Variants in SPAG16 observed in about 807,000 individuals in gnomAD.
SPAG16 encodes sperm associated antigen 16, also known as sperm-associated antigen 16 protein.
Under a neutral mutation model 80.4 loss-of-function variants are expected in SPAG16, and 86 were observed. The ratio of observed to expected loss-of-function variants is 1.07; its 90% CI spans 0.90 to 1.28. SPAG16 has a LOEUF of 1.28. SPAG16 is among the 50% of genes most tolerant of loss of function. The pLI, the probability that SPAG16 is intolerant of heterozygous loss-of-function variation, is 0.00. For synonymous variants in SPAG16, 294 were observed against 265.9 expected, an observed-to-expected ratio of 1.11 and a Z score of -1.03; for missense variants, 870 against 765.3, an observed-to-expected ratio of 1.14 and a Z score of -1.61.
intron 15 of SPAG16, among the ~76,000 whole-genome samples, chr2:214,167,494 A>G (rs1037477328): frequency 2.6e-5 from 4 of 152,018 alleles, no homozygotes; most frequent in Admixed American, 2.6e-4. Context: ...TTCTCCCTAT[A>G]AATCCTGTGC....
intron 10 of SPAG16, among the ~76,000 whole-genome samples, chr2:213,536,411 T>A (rs2076249397): frequency 6.6e-6 from 1 of 152,170 alleles, no homozygotes; most frequent in Non-Finnish European, 1.5e-5. Context: ...CACACTGACT[T>A]CCACAAGGGT....
intron 15 of SPAG16, among the ~76,000 whole-genome samples, chr2:214,295,051 G>C (rs1054368645): frequency 7.9e-5 from 12 of 152,186 alleles, no homozygotes; most frequent in African/African-American, 2.7e-4. Flanking sequence ...GGGGAATTTA[G>C]GCCCATTGAT....
chr2:214,340,126 C>T (rs545701184), intron 15 of SPAG16, among the ~76,000 whole-genome samples: 86 of 152,290 alleles, frequency 5.6e-4, no homozygotes, highest in Admixed American at 2.7e-3. Context: ...AGAACAAGAA[C>T]GCAAGAGAGT....
chr2:214,049,316 C>T (rs1002270161), intron 13 of SPAG16, among the ~76,000 whole-genome samples: 1 of 152,082 alleles, frequency 6.6e-6, no homozygotes, highest in African/African-American at 2.4e-5. Flanking sequence ...TCTCCTTTTC[C>T]GTCAATATTT....
chr2:213,430,822 CAGCAAGAGAAA>C, intron 9 of SPAG16, among the ~76,000 whole-genome samples: 1 of 152,212 alleles, frequency 6.6e-6, no homozygotes, highest in African/African-American at 2.4e-5. Flanking sequence ...ATTCTAAAAT[CAGCAAGAGAAA>C]AGCATCTAGA....
At chr2:214,251,015 A>G (rs1690253943) in intron 15 of SPAG16, among the ~76,000 whole-genome samples, 1 of 151,822 alleles carries the variant, frequency 6.6e-6, no homozygotes, top group Non-Finnish European at 1.5e-5. Flanking sequence ...TAATATGCAC[A>G]TAAAGCACTA....
chr2:214,041,515 T>C, intron 13 of SPAG16, among the ~76,000 whole-genome samples: 1 of 151,924 alleles, frequency 6.6e-6, no homozygotes, highest in East Asian at 1.9e-4. Context: ...AAAGCATAGT[T>C]TCATTACAAA....
chr2:213,814,461 A>G (rs1314554354), intron 10 of SPAG16, among the ~76,000 whole-genome samples: 1 of 152,214 alleles, frequency 6.6e-6, no homozygotes, highest in Non-Finnish European at 1.5e-5. Flanking sequence ...TAACCATCAC[A>G]ATGGTCAGTA....
At chr2:213,908,797 A>C (rs572138405) in intron 11 of SPAG16, among the ~76,000 whole-genome samples, 179 of 150,132 alleles carry the variant, frequency 1.2e-3, no homozygotes, top group African/African-American at 4.2e-3. Context: ...TTATACTTTA[A>C]GTTTTAGGGT....
intron 12 of SPAG16, among the ~76,000 whole-genome samples, chr2:213,957,620 T>C (rs915741131): frequency 6.6e-6 from 1 of 152,214 alleles, no homozygotes; most frequent in East Asian, 1.9e-4. Context: ...GAAGCACTTC[T>C]GTTTTATTGC....
chr2:213,313,394 G>A lies in SPAG16; in HGVS notation c.398+3217G>A, dbSNP rs1209359600. Among the ~76,000 whole-genome samples, 5 of 151,786 alleles carry A rather than the reference G, an allele frequency of 3.3e-5. No homozygotes were observed. In the South Asian group the frequency reaches 6.2e-4, roughly 19 times the overall value. On this transcript the variant is annotated intron_variant, in intron 4 of 15. Transcript: ENST00000331683. ...ACTTTGTATCATTTTTATTGATATA[G>A]TATATTCTCATGCATTATTTCATTT... is the stretch of plus-strand genomic sequence containing the variant.
intron 12 of SPAG16, among the ~76,000 whole-genome samples, chr2:213,994,594 T>C (rs1170177010): frequency 6.9e-6 from 1 of 145,280 alleles, no homozygotes; most frequent in African/African-American, 2.6e-5. Flanking sequence ...TTTTTTTTTT[T>C]ACAACATTAG....
intron 10 of SPAG16, among the ~76,000 whole-genome samples, chr2:213,737,500 T>A (rs1179223868): frequency 6.6e-6 from 1 of 150,794 alleles, no homozygotes; most frequent in Non-Finnish European, 1.5e-5. Flanking sequence ...TTTCTTTTTT[T>A]TTTTTGAGAC....
intron 15 of SPAG16, among the ~76,000 whole-genome samples, chr2:214,308,283 C>T (rs10207007): frequency 0.23 from 35,534 of 151,876 alleles, 4,313 homozygotes; most frequent in East Asian, 0.35. Flanking sequence ...ATTTGGGTCA[C>T]TGCATGTGAG....
chr2:213,915,148 A>G (rs1392209248), intron 11 of SPAG16, among the ~76,000 whole-genome samples: 1 of 150,850 alleles, frequency 6.6e-6, no homozygotes, highest in Non-Finnish European at 1.5e-5. Flanking sequence ...TTTTAATTAT[A>G]CTTTAATTTC....
intron 8 of SPAG16, among the ~76,000 whole-genome samples, chr2:213,372,781 G>T (rs1399635338): frequency 2.0e-5 from 3 of 151,960 alleles, no homozygotes; most frequent in Non-Finnish European, 4.4e-5. Context: ...AGTTTTGTTT[G>T]GTCTATAAGG....
chr2:214,134,511 G>A (rs375831030), intron 14 of SPAG16, among the ~76,000 whole-genome samples: 5 of 152,276 alleles, frequency 3.3e-5, no homozygotes, highest in African/African-American at 1.2e-4. Context: ...ACAGAAGCAT[G>A]CCCGTTCCGT....
intron 10 of SPAG16, among the ~76,000 whole-genome samples, chr2:213,602,715 C>T (rs1326473452): frequency 3.9e-5 from 6 of 152,186 alleles, no homozygotes; most frequent in African/African-American, 1.4e-4. Context: ...TTAATAATTT[C>T]CTGCATATTA....
chr2:214,357,363 C>A (rs1698885967), intron 15 of SPAG16, among the ~76,000 whole-genome samples: 1 of 151,904 alleles, frequency 6.6e-6, no homozygotes, highest in Non-Finnish European at 1.5e-5. Context: ...TCACACTATT[C>A]TCCTTTTTGT....
Sources: allele counts gnomAD v4.1 joint callset (sites outside exome capture counted in the v4.1 genomes callset), GRCh38; gene constraint gnomAD v4.1.1; transcripts MANE v1.5; gene names NCBI Gene and HGNC (gene_info 2026-07-23, HGNC 2026-07-21).